The following FOXO1 variants were observed in gnomAD, a reference collection of about 807,000 sequenced individuals.
FOXO1 encodes forkhead box O1.
In FOXO1, 6 loss-of-function variants were observed where a neutral mutation model predicts 44.1. That is an observed-to-expected ratio of 0.14 (90% CI 0.07 to 0.27). FOXO1 has a LOEUF of 0.27. Ranked by LOEUF, FOXO1 falls within the 10% of genes least tolerant of loss-of-function variation. FOXO1 has a pLI of 1.00. For missense variants in FOXO1, 737 were observed against 888.8 expected (o/e 0.83, Z 2.17); for synonymous variants, 380 against 362.7 (o/e 1.05, Z -0.54).
intron 1 of FOXO1, among the ~76,000 whole-genome samples, chr13:40,570,654 T>C (rs951262033): frequency 4.6e-5 from 7 of 152,240 alleles, no homozygotes; most frequent in African/African-American, 9.6e-5. Flanking sequence ...ACCAAAGCTT[T>C]TGCATTTCAG....
intron 1 of FOXO1, among the ~76,000 whole-genome samples, chr13:40,631,764 G>A (rs1302662239): frequency 6.6e-6 from 1 of 152,190 alleles, no homozygotes; most frequent in Non-Finnish European, 1.5e-5. Context: ...CCTGAAGAAG[G>A]AGGAAATGCG....
At chr13:40,610,723 A>G (rs927409257) in intron 1 of FOXO1, among the ~76,000 whole-genome samples, 1 of 152,230 alleles carries the variant, frequency 6.6e-6, no homozygotes, top group African/African-American at 2.4e-5. Flanking sequence ...AAAAAGAAAA[A>G]GCATGTTTCA....
intron 1 of FOXO1, among the ~76,000 whole-genome samples, chr13:40,638,719 C>T (rs1877245067): frequency 6.6e-6 from 1 of 152,104 alleles, no homozygotes; most frequent in African/African-American, 2.4e-5. Flanking sequence ...CAGAAGGTGG[C>T]AATGGTCCTA....
intron 1 of FOXO1, among the ~76,000 whole-genome samples, chr13:40,610,545 T>C (rs951833281): frequency 2.0e-5 from 3 of 152,200 alleles, no homozygotes; most frequent in Admixed American, 6.5e-5. Context: ...CCTGAAATAA[T>C]AAATGGCTTA....
At chr13:40,650,454 C>A (rs749640953) in intron 1 of FOXO1, among the ~76,000 whole-genome samples, 2 of 152,138 alleles carry the variant, frequency 1.3e-5, no homozygotes, top group Non-Finnish European at 2.9e-5. Flanking sequence ...CTGGTTCACA[C>A]GCCTCTTGAC....
chr13:40,567,593 T>C (rs1186271530), intron 1 of FOXO1, among the ~76,000 whole-genome samples: 1 of 152,178 alleles, frequency 6.6e-6, no homozygotes, highest in Non-Finnish European at 1.5e-5. Context: ...AAGGCTGAGG[T>C]TACTTGTGTG....
chr13:40,564,888 A>G (rs775050885), intron 1 of FOXO1, among the ~76,000 whole-genome samples: 1 of 146,974 alleles, frequency 6.8e-6, no homozygotes, highest in Non-Finnish European at 1.5e-5. Flanking sequence ...TGGCCACCCC[A>G]AGCAGTGCAG....
chr13:40,596,743 A>G (rs2137873212), intron 1 of FOXO1, among the ~76,000 whole-genome samples: 1 of 152,340 alleles, frequency 6.6e-6, no homozygotes, highest in East Asian at 1.9e-4. Context: ...CGGAAGTTCC[A>G]TGCCAGCAAC....
intron 1 of FOXO1, among the ~76,000 whole-genome samples, chr13:40,590,664 C>T (rs1172986061): frequency 6.6e-6 from 1 of 152,220 alleles, no homozygotes; most frequent in East Asian, 1.9e-4. Flanking sequence ...ACTGGCTCAG[C>T]TTTGCCGTCA....
chr13:40,568,719 C>G (rs1340883386), intron 1 of FOXO1, among the ~76,000 whole-genome samples: 2 of 152,116 alleles, frequency 1.3e-5, no homozygotes. Flanking sequence ...TTCCTTCTTG[C>G]CCGAATATCC....
chr13:40,661,298 C>A (rs1878029005), intron 1 of FOXO1, among the ~76,000 whole-genome samples: 1 of 151,368 alleles, frequency 6.6e-6, no homozygotes, highest in South Asian at 2.1e-4. Context: ...TTTTTGGAGA[C>A]AGGGTCTCCC....
chr13:40,635,657 T>A (rs1369938612), intron 1 of FOXO1, among the ~76,000 whole-genome samples: 1 of 152,192 alleles, frequency 6.6e-6, no homozygotes, highest in East Asian at 1.9e-4. Flanking sequence ...GTCTGGGCAA[T>A]CCCTTAAGCT....
Position 40,560,632 on chromosome 13 carries a change from T to C in FOXO1, c.859A>G (p.Ser287Gly). The C allele has an allele frequency of 6.2e-7, 1 of 1,614,222 alleles. No individual in the cohort carries two copies. Among genetic ancestry groups the C allele is most frequent in the Non-Finnish European group, 8.5e-7 (1 of 1,180,042 alleles). The change falls in exon 2 of 3, where the codon AGC becomes GGC. Residue 287 changes from serine (S) to glycine (G), a missense_variant. Around this residue, in one of 7 missense-constraint regions of FOXO1, gnomAD observed 136 missense variants for 186.4 expected, o/e 0.73. Coordinates refer to ENST00000379561, the MANE Select transcript of FOXO1 (RefSeq NM_002015.4). This position sits in a 1 kb window ranked among gnomAD's most constrained non-coding sequence, Gnocchi z 5.1. ...CATTTGGAAAACTGTGATCCAGGGC[T>C]GTCCCCAGCACCCTCCTGGCCAGAC... ...LQSGQEGAGDSPGSQFSKWPA... is the reference protein window; with the variant it reads ...LQSGQEGAGDGPGSQFSKWPA...
intron 1 of FOXO1, among the ~76,000 whole-genome samples, chr13:40,578,754 C>T (rs1593386031): frequency 6.6e-6 from 1 of 152,330 alleles, no homozygotes; most frequent in African/African-American, 2.4e-5. Flanking sequence ...GGATTCCTAA[C>T]TGTACAGTTT....
chr13:40,580,008 G>A (rs1413949502), intron 1 of FOXO1, among the ~76,000 whole-genome samples: 1 of 152,164 alleles, frequency 6.6e-6, no homozygotes, highest in Non-Finnish European at 1.5e-5. Context: ...AGACAATTTT[G>A]ATGAATACAA....
chr13:40,579,968 A>C (rs906560324), intron 1 of FOXO1, among the ~76,000 whole-genome samples: 5 of 152,180 alleles, frequency 3.3e-5, no homozygotes, highest in African/African-American at 1.2e-4. Flanking sequence ...CAATTATACG[A>C]GCTCTGTATG....
intron 1 of FOXO1, among the ~76,000 whole-genome samples, chr13:40,568,474 A>C (rs987467497): frequency 2.0e-5 from 3 of 152,224 alleles, no homozygotes; most frequent in African/African-American, 7.2e-5. Context: ...TCCCATTAAG[A>C]GTTACTAATA....
At chr13:40,599,638 T>G (rs961331900) in intron 1 of FOXO1, among the ~76,000 whole-genome samples, 1 of 151,812 alleles carries the variant, frequency 6.6e-6, no homozygotes, top group Non-Finnish European at 1.5e-5. Flanking sequence ...CTAGATAGGG[T>G]GGGTACGGAA....
intron 1 of FOXO1, among the ~76,000 whole-genome samples, chr13:40,624,482 T>C (rs1055787478): frequency 6.6e-6 from 1 of 152,150 alleles, no homozygotes; most frequent in African/African-American, 2.4e-5. Context: ...ACTTATAACA[T>C]GTGTTGTAAG....
Sources: allele counts gnomAD v4.1 joint callset (sites outside exome capture counted in the v4.1 genomes callset), GRCh38; gene constraint gnomAD v4.1.1; regional missense constraint gnomAD v4.1.1; non-coding constraint Gnocchi (gnomAD v3.1); transcripts MANE v1.5; gene names NCBI Gene and HGNC (gene_info 2026-07-23, HGNC 2026-07-21).